The following LCOR variants were observed in gnomAD, a reference collection of about 807,000 sequenced individuals.
LCOR encodes ligand-dependent corepressor.
Under a neutral mutation model 64.4 loss-of-function variants are expected in LCOR, and 14 were observed. That is an observed-to-expected ratio of 0.22 (90% CI 0.14 to 0.34). LCOR has a LOEUF of 0.34. LCOR is among the 10% of genes least tolerant of loss of function. The pLI, the probability that LCOR is intolerant of heterozygous loss-of-function variation, is 1.00. For missense variants in LCOR, 1,686 were observed against 1,765.3 expected, an observed-to-expected ratio of 0.96 and a Z score of 0.80; for synonymous variants, 643 against 642.5, an observed-to-expected ratio of 1.00 and a Z score of -0.01.
chr10:96,937,875 T>C (rs1847378670), intron 4 of LCOR, among the ~76,000 whole-genome samples: 1 of 152,210 alleles, frequency 6.6e-6, no homozygotes, highest in African/African-American at 2.4e-5. Context: ...ATTTGCAACA[T>C]ATAAAAAGTG....
chr10:96,833,491 G>A lies in LCOR; in HGVS notation c.-330+12G>A, dbSNP rs988403021. The A allele has an allele frequency of 6.1e-6, 6 of 981,982 alleles. No homozygotes were observed. Among genetic ancestry groups the A allele is most frequent in the Non-Finnish European group, 7.3e-6 (6 of 826,466 alleles). 60.8% of individuals were successfully genotyped at this position (981,982 alleles called of 1,614,324 possible). Reference sequence around the variant, plus strand: ...CCCCCCTCCAAAAAGTAAGTGGCCCGTGTGGTGTCTCCGCTCCGCCCGCCG... The same window carrying A: ...CCCCCCTCCAAAAAGTAAGTGGCCCATGTGGTGTCTCCGCTCCGCCCGCCG... On this transcript the variant is annotated intron_variant, in intron 2 of 7. Coordinates refer to ENST00000421806, the MANE Select transcript of LCOR (RefSeq NM_001346516.2).
At chr10:96,956,608 C>G in intron 7 of LCOR, 1 of 985,714 alleles carries the variant, frequency 1.0e-6, no homozygotes, top group Non-Finnish European at 1.2e-6. Flanking sequence ...GCACACACTA[C>G]CTTCAGAAAT....
intron 2 of LCOR, among the ~76,000 whole-genome samples, chr10:96,835,493 T>A (rs1845427264): frequency 6.6e-6 from 1 of 152,228 alleles, no homozygotes; most frequent in Non-Finnish European, 1.5e-5. Flanking sequence ...TTTTGTTTTT[T>A]AAGAGGAGAG....
At chr10:96,958,007 TGAAG>T in intron 7 of LCOR, 1 of 998,756 alleles carries the variant, frequency 1.0e-6, no homozygotes, top group Non-Finnish European at 1.2e-6. Flanking sequence ...CATCTGTAAT[TGAAG>T]GAAATCATAG....
chr10:96,939,507 T>G (rs553716859), intron 4 of LCOR, among the ~76,000 whole-genome samples: 6 of 152,192 alleles, frequency 3.9e-5, no homozygotes, highest in Non-Finnish European at 7.3e-5. Context: ...AAATTAAAGC[T>G]TTCATGCTGC....
At chr10:96,902,150 T>G (rs1489138316) in intron 2 of LCOR, among the ~76,000 whole-genome samples, 3 of 152,236 alleles carry the variant, frequency 2.0e-5, no homozygotes, top group Non-Finnish European at 4.4e-5. Context: ...AAAATACTAT[T>G]TCTCCCTGGC....
At position 96,941,068 on chromosome 10, in the gene LCOR, C is replaced by T. The variant is rs1481685609; in HGVS notation, c.-183-3045C>T. ...CGGACAGGGCGGCTGGCCGACCCCC[C>T]CCCCGCCTCCCTCCCGGACGGGGCG... is the stretch of plus-strand genomic sequence containing the variant. On this transcript the variant is annotated intron_variant, in intron 4 of 7. Coordinates refer to ENST00000421806, the MANE Select transcript of LCOR (RefSeq NM_001346516.2). 1.8e-3 allele frequency among the ~76,000 whole-genome samples: 197 copies of T among 111,344 alleles called. 9 individuals carry two copies. The highest frequency in any genetic ancestry group is 6.7e-3 in the African/African-American group (168 of 24,946). 73.0% of individuals were successfully genotyped at this position (111,344 alleles called of 152,430 possible). A position where few individuals can be genotyped will look rare whatever the true frequency, so the allele number is the denominator to read the frequency against.
intron 6 of LCOR, 95 bp from the exon 7 acceptor site, chr10:96,952,008 T>C: frequency 1.3e-6 from 1 of 789,982 alleles, no homozygotes; most frequent in Non-Finnish European, 2.1e-6. Context: ...CTTAGTTGAA[T>C]AAGCCTGCTT....
intron 2 of LCOR, among the ~76,000 whole-genome samples, chr10:96,885,100 T>C (rs1846320795): frequency 6.6e-6 from 1 of 152,238 alleles, no homozygotes. Flanking sequence ...ACTGGAAGTT[T>C]CCTGTAAATC....
At chr10:96,974,044 T>G (rs974346303) in intron 7 of LCOR, among the ~76,000 whole-genome samples, 24 of 152,214 alleles carry the variant, frequency 1.6e-4, no homozygotes, top group African/African-American at 5.8e-4. Context: ...GGTAGGCAAG[T>G]TAAGCTGTGT....
Position 96,989,118 on chromosome 10 carries a change from T to G in LCOR, c.*3984T>G, listed in dbSNP as rs1848173795. 6.6e-6 allele frequency: 1 copy of G among 152,218 alleles called. No homozygotes were observed. The highest frequency in any genetic ancestry group is 2.4e-5 in the African/African-American group (1 of 41,450). 9.4% of individuals were successfully genotyped at this position (152,218 alleles called of 1,614,324 possible). A position where few individuals can be genotyped will look rare whatever the true frequency, so the allele number is the denominator to read the frequency against. On this transcript the variant is annotated 3_prime_UTR_variant, in exon 8 of 8. Coordinates refer to ENST00000421806, the MANE Select transcript of LCOR (RefSeq NM_001346516.2). Reference sequence around the variant, plus strand: ...ATTTTTTCTTTTCAAAGGAGACATGTTATATCGATATGCACTACTATCCCC... The same window carrying G: ...ATTTTTTCTTTTCAAAGGAGACATGGTATATCGATATGCACTACTATCCCC...
intron 4 of LCOR, among the ~76,000 whole-genome samples, chr10:96,933,579 G>GGAGTT (rs1384381280): frequency 6.6e-6 from 1 of 152,160 alleles, no homozygotes; most frequent in African/African-American, 2.4e-5. Flanking sequence ...GGAGTGGAGT[G>GGAGTT]GCACGATCTG....
At chr10:96,833,177 G>A in intron 1 of LCOR, 1 of 985,274 alleles carries the variant, frequency 1.0e-6, no homozygotes, top group Non-Finnish European at 1.2e-6. Context: ...GACCGGGTCC[G>A]ACCGAGGAGC....
chr10:96,849,629 G>T (rs941202809), intron 2 of LCOR, among the ~76,000 whole-genome samples: 1 of 152,148 alleles, frequency 6.6e-6, no homozygotes, highest in Non-Finnish European at 1.5e-5. Flanking sequence ...TGATGGGTTG[G>T]AGTCAAAATG....
intron 4 of LCOR, among the ~76,000 whole-genome samples, chr10:96,937,194 C>CA (rs1192862568): frequency 1.3e-5 from 2 of 152,158 alleles, no homozygotes. Context: ...AAGATGGAGA[C>CA]AGAGATTGGA....
chr10:96,918,240 T>G (rs1282176553), intron 4 of LCOR, among the ~76,000 whole-genome samples: 1 of 152,174 alleles, frequency 6.6e-6, no homozygotes, highest in Non-Finnish European at 1.5e-5. Flanking sequence ...GGCCCCATAC[T>G]CTATAATGAC....
chr10:96,846,805 G>A (rs1321017195), intron 2 of LCOR, among the ~76,000 whole-genome samples: 1 of 152,168 alleles, frequency 6.6e-6, no homozygotes, highest in Non-Finnish European at 1.5e-5. Context: ...GGCTGCAAAT[G>A]TACAATCTTA....
chr10:96,963,219 T>A (rs753218251), intron 7 of LCOR: 2 of 151,970 alleles, frequency 1.3e-5, no homozygotes, highest in African/African-American at 4.8e-5. Flanking sequence ...GTGTATTTTT[T>A]AAAAAAAGCG....
In LCOR at chr10:96,988,162, T is replaced by C. The variant is rs1043908242; in HGVS notation, c.*3028T>C. 6.6e-6 allele frequency: 1 copy of C among 152,226 alleles called. No homozygotes were observed. 9.4% of individuals were successfully genotyped at this position (152,226 alleles called of 1,614,324 possible). ...TTCTATCCTACGAGACTCCCTGCTA[T>C]AGATGGACATGCAGGAGACCACTCC... On this transcript the variant is annotated 3_prime_UTR_variant, in exon 8 of 8. Coordinates refer to ENST00000421806, the MANE Select transcript of LCOR (RefSeq NM_001346516.2).
Sources: allele counts gnomAD v4.1 joint callset (sites outside exome capture counted in the v4.1 genomes callset), GRCh38; gene constraint gnomAD v4.1.1; transcripts MANE v1.5; gene names NCBI Gene and HGNC (gene_info 2026-07-23, HGNC 2026-07-21).